EYS: variants seen among roughly 807,000 people sequenced by gnomAD.
The protein encoded by EYS is EGF-like photoreceptor maintenance factor.
Under a neutral mutation model 282.1 loss-of-function variants are expected in EYS, and 250 were observed. The ratio of observed to expected loss-of-function variants is 0.89; its 90% confidence interval spans 0.80 to 0.98. The LOEUF is 0.98. Among genes scored for constraint, EYS ranks in the 50% least tolerant of loss-of-function variants. The pLI is 0.00. For missense variants in EYS, 4,016 were observed against 3,709.0 expected (o/e 1.08, Z -2.15); for synonymous variants, 1,355 against 1,282.9 (o/e 1.06, Z -1.20).
At position 64,546,441 on chromosome 6, in the gene EYS, C is replaced by T. The variant is rs1467836834; in HGVS notation, c.5644+43782G>A. ...CCCTAGAAGAAAACCTGGGCAATACCATTCAGGACATAGGCATGGGCAAGG... is the reference window on the plus strand; with the variant it reads ...CCCTAGAAGAAAACCTGGGCAATACTATTCAGGACATAGGCATGGGCAAGG... On this transcript the variant is annotated intron_variant, in intron 26 of 42. Transcript: ENST00000503581. Among the ~76,000 whole-genome samples the T allele has an allele frequency of 2.0e-5, 3 of 152,122 alleles. No homozygotes were observed. The East Asian group carries it at 5.8e-4, about 29-fold the overall frequency.
chr6:65,041,762 C>A (rs1772943851), intron 13 of EYS, among the ~76,000 whole-genome samples: 2 of 151,626 alleles, frequency 1.3e-5, no homozygotes, highest in African/African-American at 4.8e-5. Flanking sequence ...TATTTTCTAT[C>A]TTTCACATTG....
chr6:64,248,267 A>G lies in EYS; in HGVS notation c.6192-17443T>C, dbSNP rs1335192413. Among the ~76,000 whole-genome samples, 3 of 150,396 alleles carry G rather than the reference A, an allele frequency of 2.0e-5. No homozygotes were observed. The East Asian group carries it at 6.0e-4, about 30-fold the overall frequency. ...GGGCTGGAATATGGGGAGGCTTGTC[A>G]GCCATCATTTAAGGCAAAGTGAAGT... On this transcript the variant is annotated intron_variant, in intron 30 of 42. Coordinates refer to ENST00000503581, the MANE Select transcript of EYS (RefSeq NM_001142800.2).
At chr6:63,933,218 T>C (rs1216811584) in intron 35 of EYS, among the ~76,000 whole-genome samples, 1 of 152,138 alleles carries the variant, frequency 6.6e-6, no homozygotes, top group Non-Finnish European at 1.5e-5. Flanking sequence ...TTTTTAAACA[T>C]TTATTTTTAT....
chr6:65,520,552 G>A (rs1349720443), intron 2 of EYS, among the ~76,000 whole-genome samples: 1 of 151,918 alleles, frequency 6.6e-6, no homozygotes, highest in Non-Finnish European at 1.5e-5. Context: ...ATGTGTTATT[G>A]CAGAGGTACA....
At chr6:64,842,624 G>T (rs189429971) in intron 19 of EYS, among the ~76,000 whole-genome samples, 1 of 151,956 alleles carries the variant, frequency 6.6e-6, no homozygotes, top group Admixed American at 6.6e-5. Context: ...AGGTGGTCTC[G>T]GATGGAGATG....
At chr6:64,198,569 A>G (rs556705436) in intron 31 of EYS, among the ~76,000 whole-genome samples, 318 of 151,942 alleles carry the variant, frequency 2.1e-3, no homozygotes, top group Non-Finnish European at 3.3e-3. Flanking sequence ...GAGTGAGAAC[A>G]TGTGGTGTTT....
chr6:64,015,292 G>C (rs561153431), intron 33 of EYS, among the ~76,000 whole-genome samples: 60 of 152,182 alleles, frequency 3.9e-4, no homozygotes, highest in Middle Eastern at 3.4e-3. Context: ...CTCATATAAA[G>C]AGAAAAATCA....
At chr6:64,174,611 CT>C (rs1764572830) in intron 31 of EYS, among the ~76,000 whole-genome samples, 1 of 151,566 alleles carries the variant, frequency 6.6e-6, no homozygotes, top group Non-Finnish European at 1.5e-5. Flanking sequence ...AGGGCATTTA[CT>C]CTGTGAAACA....
At chr6:65,496,482 T>C (rs1203796589) in intron 2 of EYS, among the ~76,000 whole-genome samples, 1 of 152,044 alleles carries the variant, frequency 6.6e-6, no homozygotes, top group African/African-American at 2.4e-5. Flanking sequence ...TAAACTCAAA[T>C]TTTGAGAGGA....
chr6:63,880,221 G>C (rs751723455), intron 35 of EYS, among the ~76,000 whole-genome samples: 1 of 152,088 alleles, frequency 6.6e-6, no homozygotes, highest in Non-Finnish European at 1.5e-5. Context: ...CCTTAATCTG[G>C]TGGGCACCAT....
chr6:63,765,291 G>C (rs780585625), intron 40 of EYS, among the ~76,000 whole-genome samples: 5 of 151,940 alleles, frequency 3.3e-5, no homozygotes, highest in Admixed American at 6.6e-5. Flanking sequence ...TTAGTAAGGA[G>C]ACAATTTTAA....
intron 13 of EYS, among the ~76,000 whole-genome samples, chr6:65,005,360 G>T (rs563347326): frequency 6.8e-6 from 1 of 147,374 alleles, no homozygotes; most frequent in African/African-American, 2.4e-5. Flanking sequence ...AACACTTACC[G>T]CATGGCCCAA....
intron 35 of EYS, among the ~76,000 whole-genome samples, chr6:63,927,975 T>C (rs1764766673): frequency 6.6e-6 from 1 of 152,234 alleles, no homozygotes; most frequent in Admixed American, 6.5e-5. Flanking sequence ...TGAAGTCTCA[T>C]GCATTTTCCA....
Position 63,958,394 on chromosome 6 carries a change from G to C in EYS, c.7055+25989C>G, listed in dbSNP as rs909974828. On this transcript the variant is annotated intron_variant, in intron 35 of 42. Coordinates refer to ENST00000503581, the MANE Select transcript of EYS (RefSeq NM_001142800.2). ...ATGGTCATAGTGGAGGAGGAAGGAGGCCTATGTTACACGAGGTTTGCTATG... is the reference window on the plus strand; with the variant it reads ...ATGGTCATAGTGGAGGAGGAAGGAGCCCTATGTTACACGAGGTTTGCTATG... 6.2e-5 allele frequency among the ~76,000 whole-genome samples: 6 copies of C among 96,458 alleles called. 1 individual carries two copies. The highest frequency in any genetic ancestry group is 5.4e-4 in the Admixed American group (4 of 7,372). 63.3% of individuals were successfully genotyped at this position (96,458 alleles called of 152,430 possible). A position where few individuals can be genotyped will look rare whatever the true frequency, so the allele number is the denominator to read the frequency against.
intron 27 of EYS, among the ~76,000 whole-genome samples, chr6:64,436,969 C>T (rs1007665984): frequency 6.6e-6 from 1 of 151,702 alleles, no homozygotes; most frequent in East Asian, 1.9e-4. Flanking sequence ...ATCTATAACC[C>T]ACATGTGTTA....
chr6:64,120,954 T>C (rs572500978), intron 31 of EYS, among the ~76,000 whole-genome samples: 16 of 152,342 alleles, frequency 1.1e-4, no homozygotes, highest in African/African-American at 3.8e-4. Context: ...TTCATTTCCT[T>C]GCATTTGTAG....
At chr6:64,011,369 A>G (rs1255658129) in intron 33 of EYS, among the ~76,000 whole-genome samples, 1 of 152,334 alleles carries the variant, frequency 6.6e-6, no homozygotes, top group East Asian at 1.9e-4. Context: ...AGGGACATGT[A>G]CATAGAAAAT....
At chr6:64,931,867 C>G (rs897348768) in intron 15 of EYS, among the ~76,000 whole-genome samples, 6 of 152,034 alleles carry the variant, frequency 3.9e-5, no homozygotes, top group Non-Finnish European at 8.8e-5. Context: ...TATGCAGACA[C>G]TGCAGACACT....
At chr6:63,985,177 G>A (rs1414039948) in intron 34 of EYS, among the ~76,000 whole-genome samples, 1 of 151,636 alleles carries the variant, frequency 6.6e-6, no homozygotes, top group Non-Finnish European at 1.5e-5. Flanking sequence ...AGTCTTTTTA[G>A]GACTTTTATA....
Sources: allele counts gnomAD v4.1 joint callset (sites outside exome capture counted in the v4.1 genomes callset), GRCh38; gene constraint gnomAD v4.1.1; transcripts MANE v1.5; gene names NCBI Gene and HGNC (gene_info 2026-07-23, HGNC 2026-07-21).